ABCA13: variants seen among roughly 807,000 people sequenced by gnomAD.
The protein encoded by ABCA13 is ATP binding cassette subfamily A member 13, also known as ATP-binding cassette sub-family A member 13.
Under a neutral mutation model 478.7 loss-of-function variants are expected in ABCA13, and 476 were observed. That is an observed-to-expected ratio of 0.99 (90% CI 0.92 to 1.07). The LOEUF (loss-of-function observed/expected upper bound fraction) is 1.07, where lower values mean the gene tolerates loss of function less well. Ranked by LOEUF, ABCA13 falls within the 50% of genes least tolerant of loss-of-function variation. ABCA13 has a pLI of 0.00. For missense variants in ABCA13, 6,060 were observed against 5,910.6 expected (o/e 1.03, Z -0.83); for synonymous variants, 2,252 against 2,158.9 (o/e 1.04, Z -1.20).
intron 29 of ABCA13, among the ~76,000 whole-genome samples, chr7:48,338,770 A>T (rs1301693812): frequency 6.6e-6 from 1 of 152,212 alleles, no homozygotes; most frequent in Non-Finnish European, 1.5e-5. Flanking sequence ...AATTATTATT[A>T]TTATTGAGTT....
intron 27 of ABCA13, among the ~76,000 whole-genome samples, chr7:48,330,068 TCCATCC>T (rs1247095869): frequency 6.6e-6 from 1 of 151,484 alleles, no homozygotes; most frequent in African/African-American, 2.4e-5. Flanking sequence ...CATCCATCCA[TCCATCC>T]ATTCATCCAT....
chr7:48,285,465 T>C (rs1218597632), intron 19 of ABCA13, among the ~76,000 whole-genome samples: 1 of 152,156 alleles, frequency 6.6e-6, no homozygotes, highest in African/African-American at 2.4e-5. Context: ...TCCTTGAGGG[T>C]GGTGCCTTTG....
chr7:48,450,128 T>G (rs1824809246), intron 42 of ABCA13, among the ~76,000 whole-genome samples: 1 of 152,198 alleles, frequency 6.6e-6, no homozygotes, highest in South Asian at 2.1e-4. Context: ...ACTCACTGAA[T>G]TTAATTCCCC....
intron 46 of ABCA13, among the ~76,000 whole-genome samples, chr7:48,482,349 C>T (rs903809702): frequency 2.0e-5 from 3 of 151,906 alleles, no homozygotes; most frequent in African/African-American, 4.8e-5. Flanking sequence ...GAAGACAAAC[C>T]AGAGTGGCTC....
chr7:48,602,941 T>G (rs1049843081), intron 58 of ABCA13, among the ~76,000 whole-genome samples: 8 of 152,220 alleles, frequency 5.3e-5, no homozygotes, highest in African/African-American at 1.9e-4. Context: ...AAGAGGTACT[T>G]CACATTCCTT....
intron 32 of ABCA13, among the ~76,000 whole-genome samples, chr7:48,368,376 G>A (rs1812030947): frequency 6.6e-6 from 1 of 151,778 alleles, no homozygotes; most frequent in Non-Finnish European, 1.5e-5. Flanking sequence ...AAGTTCTTCG[G>A]TAGCGATTTC....
At chr7:48,230,701 A>G (rs1308408561) in intron 7 of ABCA13, among the ~76,000 whole-genome samples, 1 of 151,942 alleles carries the variant, frequency 6.6e-6, no homozygotes, top group Admixed American at 6.6e-5. Context: ...CTATTCGTCC[A>G]TTAATCCATC....
chr7:48,361,504 C>T (rs1810827923), intron 31 of ABCA13, among the ~76,000 whole-genome samples: 1 of 151,752 alleles, frequency 6.6e-6, no homozygotes, highest in Admixed American at 6.6e-5. Context: ...TCAATTCTCT[C>T]TTTTGTCTCA....
At chr7:48,536,605 A>G (rs1022464430) in intron 55 of ABCA13, among the ~76,000 whole-genome samples, 10 of 151,966 alleles carry the variant, frequency 6.6e-5, no homozygotes, top group Admixed American at 2.6e-4. Flanking sequence ...CCAAGATCAC[A>G]CCACTGCACC....
chr7:48,321,126 C>A (rs962713210), intron 27 of ABCA13, among the ~76,000 whole-genome samples: 4 of 152,148 alleles, frequency 2.6e-5, no homozygotes, highest in Non-Finnish European at 5.9e-5. Flanking sequence ...TTTTACCCAA[C>A]TGGGCACATG....
At position 48,271,714 on chromosome 7, in the gene ABCA13, T is replaced by G. The variant is rs1308039381; in HGVS notation, c.2121-73T>G. On this transcript the variant is annotated intron_variant, in intron 16 of 61. Transcript: ENST00000435803. ...TTGTGTTTTACTATCAATAAATGAG[T>G]ATTAACTTGGAAATTTGATAAATCA... The G allele has an allele frequency of 5.3e-6, 5 of 936,384 alleles. No homozygotes were observed. In the East Asian group the frequency reaches 1.6e-4, roughly 29 times the overall value. 58.0% of individuals were successfully genotyped at this position (936,384 alleles called of 1,614,324 possible).
chr7:48,426,756 G>A (rs535318467), intron 41 of ABCA13, among the ~76,000 whole-genome samples: 1 of 152,292 alleles, frequency 6.6e-6, no homozygotes, highest in South Asian at 2.1e-4. Context: ...GGCCCACAGA[G>A]AACGTTCAGG....
intron 35 of ABCA13, among the ~76,000 whole-genome samples, chr7:48,376,826 C>A (rs1178391219): frequency 6.6e-6 from 1 of 152,072 alleles, no homozygotes; most frequent in South Asian, 2.1e-4. Flanking sequence ...GCCCACCAAG[C>A]AGCTCCCCAA....
chr7:48,471,985 G>A (rs1381177329), intron 45 of ABCA13, among the ~76,000 whole-genome samples: 1 of 152,140 alleles, frequency 6.6e-6, no homozygotes, highest in Non-Finnish European at 1.5e-5. Flanking sequence ...GATATTAACA[G>A]CTAAGATGCC....
intron 1 of ABCA13, among the ~76,000 whole-genome samples, chr7:48,182,106 C>T (rs561047003): frequency 4.6e-5 from 7 of 152,164 alleles, no homozygotes; most frequent in Admixed American, 4.6e-4. Flanking sequence ...TCAGCCATGG[C>T]AGAAAAAGCA....
At chr7:48,485,037 A>G (rs1829151442) in intron 47 of ABCA13, among the ~76,000 whole-genome samples, 2 of 152,208 alleles carry the variant, frequency 1.3e-5, no homozygotes, top group Admixed American at 1.3e-4. Flanking sequence ...ATGGTTCAAT[A>G]TCTTGTAGAA....
At position 48,219,431 on chromosome 7, in the gene ABCA13, C is replaced by G. The variant is rs749658724; in HGVS notation, c.365C>G (p.Ala122Gly). 1.2e-5 allele frequency: 19 copies of G among 1,613,014 alleles called. No homozygotes were observed. The highest frequency in any genetic ancestry group is 1.6e-5 in the Non-Finnish European group (19 of 1,179,528). ...LAFLKEIQDL[A>G]EEIHGMMDKA... ...TTTTTAAAAGAGATACAAGACCTGGCAGAGGAAATTCATGGAATGATGGAC... is the reference window on the plus strand; with the variant it reads ...TTTTTAAAAGAGATACAAGACCTGGGAGAGGAAATTCATGGAATGATGGAC... Residue 122 changes from alanine to glycine, a missense_variant, in exon 4 of 62, where the codon GCA (alanine) becomes GGA (glycine). Ala to Gly is a moderately conservative substitution (Grantham distance 60). Around this residue, in one of 3 missense-constraint regions of ABCA13, gnomAD observed 4,423 missense variants for 4,309.1 expected, o/e 1.03. Transcript: ENST00000435803.
At chr7:48,549,158 T>C (rs1785085362) in intron 55 of ABCA13, among the ~76,000 whole-genome samples, 1 of 151,840 alleles carries the variant, frequency 6.6e-6, no homozygotes, top group African/African-American at 2.4e-5. Flanking sequence ...TAACCTGTCA[T>C]CTAGGTTTTA....
chr7:48,430,836 A>G (rs1046322277), intron 42 of ABCA13, among the ~76,000 whole-genome samples: 1 of 151,916 alleles, frequency 6.6e-6, no homozygotes, highest in Non-Finnish European at 1.5e-5. Context: ...TCTCTTTTCA[A>G]TTTCATGAAA....
Sources: allele counts gnomAD v4.1 joint callset (sites outside exome capture counted in the v4.1 genomes callset), GRCh38; gene constraint gnomAD v4.1.1; regional missense constraint gnomAD v4.1.1; transcripts MANE v1.5; gene names NCBI Gene and HGNC (gene_info 2026-07-23, HGNC 2026-07-21).